BANK1: variants seen among roughly 807,000 people sequenced by gnomAD.
BANK1 encodes B-cell scaffold protein with ankyrin repeats.
Under a neutral mutation model 94.5 loss-of-function variants are expected in BANK1, and 95 were observed. The observed-to-expected ratio is 1.00, with a 90% confidence interval of 0.85 to 1.19. The LOEUF (loss-of-function observed/expected upper bound fraction) is 1.19, where lower values mean the gene tolerates loss of function less well. BANK1 is among the 50% of genes most tolerant of loss of function. BANK1 has a pLI of 0.00. For missense variants in BANK1, 987 were observed against 932.2 expected (o/e 1.06, Z -0.77); for synonymous variants, 334 against 308.4 (o/e 1.08, Z -0.87).
intron 2 of BANK1, among the ~76,000 whole-genome samples, chr4:101,838,381 A>G (rs1048406119): frequency 1.3e-5 from 2 of 152,210 alleles, no homozygotes; most frequent in African/African-American, 4.8e-5. Flanking sequence ...TCATTGTGTT[A>G]TTAACAACTT....
intron 13 of BANK1, among the ~76,000 whole-genome samples, chr4:102,065,099 A>T (rs1728547983): frequency 6.6e-6 from 1 of 152,358 alleles, no homozygotes; most frequent in South Asian, 2.1e-4. Flanking sequence ...GGTTGAGCAG[A>T]GTTGAGGAAA....
At chr4:101,817,575 G>A (rs745973322) in intron 1 of BANK1, among the ~76,000 whole-genome samples, 14 of 152,256 alleles carry the variant, frequency 9.2e-5, no homozygotes, top group South Asian at 6.2e-4. Flanking sequence ...ATAACTAATG[G>A]ATGCTGGGTG....
chr4:101,904,771 G>A (rs951164647), intron 6 of BANK1, among the ~76,000 whole-genome samples: 1 of 152,136 alleles, frequency 6.6e-6, no homozygotes, highest in African/African-American at 2.4e-5. Context: ...CGTCCATCAG[G>A]CCCTTCACAA....
At chr4:101,894,966 G>A (rs910239932) in intron 5 of BANK1, among the ~76,000 whole-genome samples, 1 of 151,472 alleles carries the variant, frequency 6.6e-6, no homozygotes, top group African/African-American at 2.4e-5. Flanking sequence ...ATTTATTATT[G>A]AAACAAATTT....
intron 5 of BANK1, among the ~76,000 whole-genome samples, chr4:101,875,505 G>A (rs1001790275): frequency 6.6e-6 from 1 of 152,000 alleles, no homozygotes; most frequent in Non-Finnish European, 1.5e-5. Context: ...GTGGTTGGGG[G>A]GACTGCCACA....
Position 101,820,231 on chromosome 4 carries a change from C to T in BANK1, c.71-9577C>T, listed in dbSNP as rs1726087587. ...TGATTCATCTTTCTCAGTCTAATAA[C>T]CCTTAAAATTCATTCCATACATACT... On this transcript the variant is annotated intron_variant, in intron 1 of 16. Transcript: ENST00000322953. 1.3e-5 allele frequency among the ~76,000 whole-genome samples: 2 copies of T among 152,110 alleles called. 1 individual carries two copies. Among genetic ancestry groups the T allele is most frequent in the South Asian group, 4.1e-4 (2 of 4,832 alleles).
intron 11 of BANK1, among the ~76,000 whole-genome samples, chr4:102,044,167 G>A (rs1268781666): frequency 2.0e-5 from 3 of 152,060 alleles, no homozygotes; most frequent in Admixed American, 2.0e-4. Flanking sequence ...ATCTCCCGAT[G>A]CTATCCCTCC....
rs147030886 is a variant in BANK1, at chr4:101,916,181, C to A, written c.1010-1812C>A. ...AAGTTCTATAATTTTGACCCCCAACCCTTTCATTTCATAAATTAGGAAACT... is the reference window on the plus strand; with the variant it reads ...AAGTTCTATAATTTTGACCCCCAACACTTTCATTTCATAAATTAGGAAACT... On this transcript the variant is annotated intron_variant, in intron 6 of 16. Coordinates refer to ENST00000322953, the MANE Select transcript of BANK1 (RefSeq NM_017935.5). Among the ~76,000 whole-genome samples the A allele has an allele frequency of 3.2e-3, 481 of 152,060 alleles. 3 individuals carry two copies. The highest frequency in any genetic ancestry group is 0.011 in the African/African-American group (454 of 41,514).
intron 7 of BANK1, among the ~76,000 whole-genome samples, chr4:101,963,601 T>A (rs975148121): frequency 6.6e-6 from 1 of 151,980 alleles, no homozygotes; most frequent in Non-Finnish European, 1.5e-5. Flanking sequence ...GATCTACCAC[T>A]CAACCAAAGT....
intron 6 of BANK1, among the ~76,000 whole-genome samples, chr4:101,903,678 A>G (rs1180135617): frequency 4.6e-5 from 7 of 152,232 alleles, no homozygotes; most frequent in Admixed American, 4.6e-4. Flanking sequence ...CTAAGGATAG[A>G]AAACAGATTA....
chr4:101,911,050 C>T (rs1392295296), intron 6 of BANK1, among the ~76,000 whole-genome samples: 1 of 152,186 alleles, frequency 6.6e-6, no homozygotes, highest in African/African-American at 2.4e-5. Context: ...TTGTTATTTA[C>T]TTCCTGACAA....
Position 101,870,473 on chromosome 4 carries a change from T to C in BANK1, c.764-32T>C, listed in dbSNP as rs1173828160. ...AATAGTATGAATATGCATTATATAC[T>C]CTGCCCCTAACCCTTGTTTGTTTTT... is the stretch of plus-strand genomic sequence containing the variant. On this transcript the variant is annotated intron_variant, in intron 4 of 16. Transcript: ENST00000322953. 1.9e-6 allele frequency: 3 copies of C among 1,593,146 alleles called. No individual in the cohort carries two copies. The African/African-American group carries it at 4.0e-5, about 21-fold the overall frequency.
intron 7 of BANK1, among the ~76,000 whole-genome samples, chr4:101,964,854 T>C (rs1375382594): frequency 6.6e-6 from 1 of 151,284 alleles, no homozygotes; most frequent in African/African-American, 2.4e-5. Context: ...CATGCTGGTG[T>C]GCTGCACCCA....
rs76430843 is a variant in BANK1, at chr4:101,968,052, G to A, written c.1206+49863G>A. Among the ~76,000 whole-genome samples the A allele has an allele frequency of 4.6e-3, 699 of 152,070 alleles. 11 individuals are homozygous for A. In the East Asian group the frequency reaches 0.056, roughly 12 times the overall value. ...TGGTCTCTGAAGGAGGGAAGAAAAT[G>A]TGCACAGAAAAGTGAACAATGATTT... On this transcript the variant is annotated intron_variant, in intron 7 of 16. Coordinates refer to ENST00000322953, the MANE Select transcript of BANK1 (RefSeq NM_017935.5).
At chr4:101,895,002 T>A (rs1192403885) in intron 5 of BANK1, among the ~76,000 whole-genome samples, 1 of 151,818 alleles carries the variant, frequency 6.6e-6, no homozygotes, top group Non-Finnish European at 1.5e-5. Flanking sequence ...CCTATTGTAA[T>A]TCTCTTTTAA....
At chr4:101,843,836 C>A (rs538518648) in intron 2 of BANK1, among the ~76,000 whole-genome samples, 1 of 152,074 alleles carries the variant, frequency 6.6e-6, no homozygotes, top group East Asian at 1.9e-4. Flanking sequence ...GCAGGAGAAT[C>A]GCTGGAATCT....
At chr4:101,843,599 T>G (rs1008799397) in intron 2 of BANK1, among the ~76,000 whole-genome samples, 9 of 152,196 alleles carry the variant, frequency 5.9e-5, no homozygotes, top group African/African-American at 2.2e-4. Context: ...TCTAGTATAT[T>G]GTCTTTGCGT....
chr4:101,906,313 C>A (rs1441711316), intron 6 of BANK1, among the ~76,000 whole-genome samples: 1 of 152,144 alleles, frequency 6.6e-6, no homozygotes, highest in African/African-American at 2.4e-5. Flanking sequence ...GGAAAAGGCT[C>A]AAATGTAGCT....
At chr4:101,887,672 A>G (rs1256544057) in intron 5 of BANK1, among the ~76,000 whole-genome samples, 6 of 152,220 alleles carry the variant, frequency 3.9e-5, no homozygotes, top group Non-Finnish European at 7.3e-5. Context: ...TCATGTAATA[A>G]TACCACTTGC....
Sources: allele counts gnomAD v4.1 joint callset (sites outside exome capture counted in the v4.1 genomes callset), GRCh38; gene constraint gnomAD v4.1.1; transcripts MANE v1.5; gene names NCBI Gene and HGNC (gene_info 2026-07-23, HGNC 2026-07-21).